The following TEAD1 variants were observed in gnomAD, a reference collection of about 807,000 sequenced individuals.
TEAD1 encodes TEA domain transcription factor 1, also known as transcriptional enhancer factor TEF-1.
Under a neutral mutation model 54.9 loss-of-function variants are expected in TEAD1, and 9 were observed. The observed-to-expected ratio is 0.16, with a 90% CI of 0.10 to 0.29. TEAD1 has a LOEUF of 0.29. TEAD1 is among the 10% of genes least tolerant of loss of function. The pLI is 1.00. For synonymous variants in TEAD1, 200 were observed against 187.8 expected, an observed-to-expected ratio of 1.07 and a Z score of -0.53; for missense variants, 387 against 535.9, an observed-to-expected ratio of 0.72 and a Z score of 2.74.
At chr11:12,792,678 A>ACAC (rs1945828072) in intron 3 of TEAD1, among the ~76,000 whole-genome samples, 1 of 152,162 alleles carries the variant, frequency 6.6e-6, no homozygotes, top group African/African-American at 2.4e-5. Context: ...GTTATACTGA[A>ACAC]CGCCTGTATG....
intron 2 of TEAD1, among the ~76,000 whole-genome samples, chr11:12,697,826 C>T (rs546624848): frequency 2.0e-5 from 3 of 152,256 alleles, no homozygotes; most frequent in South Asian, 2.1e-4. Context: ...AGTTTGAGAC[C>T]AGCCTGATCA....
chr11:12,818,203 C>T (rs912336739), intron 3 of TEAD1, among the ~76,000 whole-genome samples: 3 of 152,164 alleles, frequency 2.0e-5, no homozygotes, highest in South Asian at 2.1e-4. Context: ...ATCTATATGA[C>T]GTTATACAGC....
intron 2 of TEAD1, among the ~76,000 whole-genome samples, chr11:12,713,493 T>G (rs949195333): frequency 9.2e-5 from 14 of 152,240 alleles, no homozygotes; most frequent in Admixed American, 8.5e-4. Flanking sequence ...TGGCTCTTAG[T>G]CATTAGATAT....
intron 8 of TEAD1, among the ~76,000 whole-genome samples, chr11:12,882,333 C>T (rs559177006): frequency 1.9e-4 from 29 of 152,240 alleles, no homozygotes; most frequent in African/African-American, 5.5e-4. Flanking sequence ...AAGTAGATTT[C>T]GGTCCTGCTA....
intron 2 of TEAD1, among the ~76,000 whole-genome samples, chr11:12,682,655 G>A (rs1352167762): frequency 2.0e-5 from 3 of 152,064 alleles, no homozygotes; most frequent in Non-Finnish European, 2.9e-5. Flanking sequence ...GATGCTCCTG[G>A]TTTTCACGGA....
chr11:12,747,055 G>A (rs1375360432), intron 2 of TEAD1, among the ~76,000 whole-genome samples: 1 of 152,212 alleles, frequency 6.6e-6, no homozygotes, highest in Non-Finnish European at 1.5e-5. Context: ...AGGCCAGTGA[G>A]TCTCTTTTAT....
Position 12,937,325 on chromosome 11 carries a change from C to T in TEAD1, c.*103C>T. On this transcript the variant is annotated 3_prime_UTR_variant, in exon 13 of 13. Coordinates refer to ENST00000527636, the MANE Select transcript of TEAD1 (RefSeq NM_021961.6). Reference sequence around the variant, plus strand: ...GAACGACTGACTGTAAACCTCACCACACAGGGTGGTGCCCTGGCCCCGAGG... The same window carrying T: ...GAACGACTGACTGTAAACCTCACCATACAGGGTGGTGCCCTGGCCCCGAGG... 1 of 1,032,272 alleles carries T rather than the reference C, an allele frequency of 9.7e-7. No individual in the cohort carries two copies. The highest frequency in any genetic ancestry group is 1.5e-6 in the Non-Finnish European group (1 of 678,450). 63.9% of individuals were successfully genotyped at this position (1,032,272 alleles called of 1,614,324 possible).
intron 5 of TEAD1, among the ~76,000 whole-genome samples, chr11:12,871,907 A>G (rs1947753544): frequency 6.6e-6 from 1 of 152,178 alleles, no homozygotes; most frequent in Non-Finnish European, 1.5e-5. Flanking sequence ...CTGACATTGC[A>G]TCATCCCAGT....
intron 2 of TEAD1, among the ~76,000 whole-genome samples, chr11:12,721,166 G>T (rs964945261): frequency 1.3e-5 from 2 of 152,238 alleles, no homozygotes; most frequent in Non-Finnish European, 2.9e-5. Flanking sequence ...CTCCCATGCA[G>T]TGTAGTTGTG....
chr11:12,730,330 C>T (rs1944393881), intron 2 of TEAD1, among the ~76,000 whole-genome samples: 2 of 150,414 alleles, frequency 1.3e-5, no homozygotes, highest in African/African-American at 4.9e-5. Flanking sequence ...GAAACTGAGG[C>T]TTCTAGAGAT....
intron 2 of TEAD1, among the ~76,000 whole-genome samples, chr11:12,738,018 C>G (rs527795042): frequency 6.6e-6 from 1 of 152,078 alleles, no homozygotes. Flanking sequence ...ATAAAACCGT[C>G]GGATCTCATG....
intron 3 of TEAD1, among the ~76,000 whole-genome samples, chr11:12,829,228 AC>A (rs1161859378): frequency 6.6e-6 from 1 of 152,168 alleles, no homozygotes; most frequent in African/African-American, 2.4e-5. Flanking sequence ...TATTTACCAT[AC>A]CATTGAATTC....
chr11:12,847,238 A>C (rs1440662693), intron 3 of TEAD1, among the ~76,000 whole-genome samples: 3 of 151,836 alleles, frequency 2.0e-5, no homozygotes, highest in Admixed American at 6.6e-5. Flanking sequence ...CACATTCTTC[A>C]TGCAGGGCCA....
rs887903916 is a variant in TEAD1 at position 12,748,076 on chromosome 11, T to G, written c.-54-16103T>G. Among the ~76,000 whole-genome samples, 4 of 151,838 alleles carry G rather than the reference T, an allele frequency of 2.6e-5. No homozygotes were observed. The South Asian group carries it at 8.3e-4, about 32-fold the overall frequency. Reference sequence around the variant, plus strand: ...TCCTGGGTTCAAGTGATTCTCCTGCTTCAGCCTCCCAAGTAGCTGGGACTA... The same window carrying G: ...TCCTGGGTTCAAGTGATTCTCCTGCGTCAGCCTCCCAAGTAGCTGGGACTA... On this transcript the variant is annotated intron_variant, in intron 2 of 12. Coordinates refer to ENST00000527636, the MANE Select transcript of TEAD1 (RefSeq NM_021961.6).
intron 3 of TEAD1, among the ~76,000 whole-genome samples, chr11:12,780,547 G>A (rs376202018): frequency 6.6e-6 from 1 of 152,032 alleles, no homozygotes; most frequent in Non-Finnish European, 1.5e-5. Flanking sequence ...CCTGCCACTC[G>A]ATTGTATTTC....
chr11:12,763,921 A>G (rs1022543759), intron 2 of TEAD1, among the ~76,000 whole-genome samples: 1 of 152,180 alleles, frequency 6.6e-6, no homozygotes, highest in African/African-American at 2.4e-5. Flanking sequence ...TTAATATGAT[A>G]CTTAGATAAT....
chr11:12,676,624 A>G (rs1177845932), intron 2 of TEAD1, among the ~76,000 whole-genome samples: 1 of 152,190 alleles, frequency 6.6e-6, no homozygotes, highest in Non-Finnish European at 1.5e-5. Context: ...AAATAGTAGA[A>G]CTAATTACAA....
chr11:12,879,304 A>C, intron 5 of TEAD1: 1 of 399,278 alleles, frequency 2.5e-6, no homozygotes, highest in Non-Finnish European at 4.7e-6. Context: ...GTCCACAGCT[A>C]CATCTCTTCT....
intron 3 of TEAD1, among the ~76,000 whole-genome samples, chr11:12,809,224 C>T (rs1590172229): frequency 6.6e-6 from 1 of 152,170 alleles, no homozygotes; most frequent in South Asian, 2.1e-4. Context: ...AGTGACGGGG[C>T]CACTCACAGT....
Sources: allele counts gnomAD v4.1 joint callset (sites outside exome capture counted in the v4.1 genomes callset), GRCh38; gene constraint gnomAD v4.1.1; transcripts MANE v1.5; gene names NCBI Gene and HGNC (gene_info 2026-07-23, HGNC 2026-07-21).